The following PEBP4 variants were observed in gnomAD, a reference collection of about 807,000 sequenced individuals.
The protein encoded by PEBP4 is phosphatidylethanolamine-binding protein 4.
PEBP4 carries 22 observed loss-of-function variants against 23.9 expected under a neutral mutation model. The observed-to-expected ratio is 0.92, with a 90% CI of 0.66 to 1.31. PEBP4 has a LOEUF of 1.31. Ranked by LOEUF, PEBP4 falls within the 40% of genes most tolerant of loss-of-function variation. PEBP4 has a pLI of 0.00. For synonymous variants in PEBP4, 112 were observed against 99.3 expected (o/e 1.13, Z -0.76); for missense variants, 324 against 281.7 (o/e 1.15, Z -1.07).
intron 3 of PEBP4, among the ~76,000 whole-genome samples, chr8:22,863,330 T>C (rs754903691): frequency 6.6e-6 from 1 of 152,164 alleles, no homozygotes; most frequent in Non-Finnish European, 1.5e-5. Flanking sequence ...TCTGCACAGC[T>C]GGCTCCAATT....
chr8:22,889,885 T>C (rs538317232), intron 3 of PEBP4, among the ~76,000 whole-genome samples: 177 of 152,298 alleles, frequency 1.2e-3, no homozygotes, highest in Non-Finnish European at 2.1e-3. Context: ...CATTTTCTAT[T>C]GGTATTGCTT....
intron 4 of PEBP4, among the ~76,000 whole-genome samples, chr8:22,765,790 C>T (rs1471612373): frequency 6.6e-6 from 1 of 152,114 alleles, no homozygotes; most frequent in Admixed American, 6.6e-5. Flanking sequence ...CATGGATCAC[C>T]ACCTGTGGAT....
chr8:22,743,535 T>C (rs1805044932), intron 4 of PEBP4, among the ~76,000 whole-genome samples: 1 of 152,182 alleles, frequency 6.6e-6, no homozygotes, highest in African/African-American at 2.4e-5. Flanking sequence ...CCACAGCTGT[T>C]TGGAGTGGGG....
Position 22,898,414 on chromosome 8 carries a change from A to C in PEBP4, c.258+21770T>G, listed in dbSNP as rs1299754966. 7.2e-3 allele frequency among the ~76,000 whole-genome samples: 1,054 copies of C among 145,666 alleles called. 41 individuals carry two copies. The highest frequency in any genetic ancestry group is 0.021 in the African/African-American group (815 of 38,590). Reference sequence around the variant, plus strand: ...CCCAAAAAAAAAAAAAAAAAAAAAAAAAAAAAAAAAAAAAAAACCCACCCA... The same window carrying C: ...CCCAAAAAAAAAAAAAAAAAAAAAACAAAAAAAAAAAAAAAAACCCACCCA... On this transcript the variant is annotated intron_variant, in intron 3 of 6. Coordinates refer to ENST00000256404, the MANE Select transcript of PEBP4 (RefSeq NM_144962.3).
At chr8:22,785,342 C>A (rs1563215378) in intron 4 of PEBP4, among the ~76,000 whole-genome samples, 1 of 152,282 alleles carries the variant, frequency 6.6e-6, no homozygotes, top group South Asian at 2.1e-4. Flanking sequence ...CTCCTGGGGC[C>A]ACCTATGGGA....
chr8:22,771,992 G>A lies in PEBP4; in HGVS notation c.358-44772C>T, dbSNP rs551096034. Among the ~76,000 whole-genome samples, 21 of 152,312 alleles carry A rather than the reference G, an allele frequency of 1.4e-4. 1 individual carries two copies. The South Asian group carries it at 2.3e-3, about 17-fold the overall frequency. On this transcript the variant is annotated intron_variant, in intron 4 of 6. Transcript: ENST00000256404. ...ATGCTGTCAGAGTTTTAACACTGCC[G>A]CTTCAATAAAGCTGTTTTCTTCTGC...
At chr8:22,929,279 C>T (rs1165932992), upstream of PEBP4, among the ~76,000 whole-genome samples, 1 of 152,198 alleles carries the variant, frequency 6.6e-6, no homozygotes, top group Middle Eastern at 3.2e-3. Flanking sequence ...CATGTTGGGC[C>T]CTGGGGTATA....
chr8:22,748,188 A>G (rs62494983), intron 4 of PEBP4, among the ~76,000 whole-genome samples: 1,884 of 152,234 alleles, frequency 0.012, 14 homozygotes, highest in Middle Eastern at 0.02. Context: ...TGGAGAGAAA[A>G]GGGGAGCCCT....
At chr8:22,889,147 A>G (rs1298081308) in intron 3 of PEBP4, among the ~76,000 whole-genome samples, 1 of 152,246 alleles carries the variant, frequency 6.6e-6, no homozygotes, top group Non-Finnish European at 1.5e-5. Context: ...TTTGGACTCA[A>G]AAGACCTGGG....
At chr8:22,898,510 G>T (rs1392347203) in intron 3 of PEBP4, among the ~76,000 whole-genome samples, 1 of 146,294 alleles carries the variant, frequency 6.8e-6, no homozygotes, top group Non-Finnish European at 1.5e-5. Flanking sequence ...AATCCTCCCA[G>T]CCAGCCATCA....
chr8:22,860,194 A>ATATATATATACACATATATG (rs1807744631), intron 3 of PEBP4, among the ~76,000 whole-genome samples: 5 of 97,596 alleles, frequency 5.1e-5, no homozygotes, highest in Admixed American at 1.1e-4. Flanking sequence ...ATATATATGT[A>ATATATATATACACATATATG]TATATATATA....
intron 4 of PEBP4, chr8:22,757,700 G>C (rs550504957): frequency 2.0e-5 from 3 of 152,220 alleles, no homozygotes; most frequent in Non-Finnish European, 4.4e-5. Context: ...CAGCAATTGG[G>C]GTACTCCTCT....
chr8:22,733,492 C>T (rs1316712388), intron 4 of PEBP4, among the ~76,000 whole-genome samples: 1 of 151,998 alleles, frequency 6.6e-6, no homozygotes, highest in Non-Finnish European at 1.5e-5. Flanking sequence ...AGGGGTCTGA[C>T]TCACTGCTGG....
At chr8:22,768,424 G>A (rs767400562) in intron 4 of PEBP4, among the ~76,000 whole-genome samples, 4 of 152,152 alleles carry the variant, frequency 2.6e-5, no homozygotes, top group African/African-American at 7.2e-5. Context: ...GGGTGGTTTG[G>A]GGTGCTCACG....
upstream of PEBP4, among the ~76,000 whole-genome samples, chr8:22,930,749 C>G (rs1340489515): frequency 2.6e-5 from 4 of 152,182 alleles, no homozygotes; most frequent in Non-Finnish European, 5.9e-5. Flanking sequence ...TGATCTTTCT[C>G]TTGGGGATTT....
At chr8:22,912,093 T>C (rs1808950281) in intron 3 of PEBP4, among the ~76,000 whole-genome samples, 1 of 152,024 alleles carries the variant, frequency 6.6e-6, no homozygotes, top group Non-Finnish European at 1.5e-5. Context: ...TGGCAGGAAG[T>C]TCTGGAATGA....
chr8:22,725,847 G>C (rs1305519059), intron 5 of PEBP4, among the ~76,000 whole-genome samples: 1 of 152,128 alleles, frequency 6.6e-6, no homozygotes, highest in African/African-American at 2.4e-5. Flanking sequence ...TTCCTCTCCT[G>C]ATCATTAAAC....
At chr8:22,902,470 A>C (rs115410881) in intron 3 of PEBP4, among the ~76,000 whole-genome samples, 28,221 of 152,064 alleles carry the variant, frequency 0.19, 3,839 homozygotes, top group African/African-American at 0.38. Context: ...GGGTGCTCTG[A>C]ATGTGTCCAT....
intron 4 of PEBP4, among the ~76,000 whole-genome samples, chr8:22,785,004 G>A (rs375549828): frequency 2.6e-5 from 4 of 152,164 alleles, no homozygotes; most frequent in African/African-American, 9.7e-5. Context: ...ACGTGTGCAC[G>A]GTTTGCGCAT....
Sources: allele counts gnomAD v4.1 joint callset (sites outside exome capture counted in the v4.1 genomes callset), GRCh38; gene constraint gnomAD v4.1.1; transcripts MANE v1.5; gene names NCBI Gene and HGNC (gene_info 2026-07-23, HGNC 2026-07-21).